Variants in ZNF438 observed in about 807,000 individuals in gnomAD.
The protein encoded by ZNF438 is zinc finger protein 438.
A neutral mutation model predicts 38.0 loss-of-function variants in ZNF438; 25 were observed. That is an observed-to-expected ratio of 0.66 (90% CI 0.48 to 0.92). The LOEUF (loss-of-function observed/expected upper bound fraction) is 0.92. Ranked by LOEUF, ZNF438 falls within the 40% of genes least tolerant of loss-of-function variation. The pLI is 0.00. For missense variants in ZNF438, 1,007 were observed against 999.6 expected (o/e 1.01, Z -0.10); for synonymous variants, 372 against 364.1 (o/e 1.02, Z -0.25).
At chr10:31,032,408 C>T (rs1033198072), upstream of ZNF438, among the ~76,000 whole-genome samples, 1 of 152,160 alleles carries the variant, frequency 6.6e-6, no homozygotes, top group Admixed American at 6.5e-5. Flanking sequence ...CTAGACTCCG[C>T]CCAGACCCCG....
intron 1 of ZNF438, among the ~76,000 whole-genome samples, chr10:30,957,198 A>G (rs142831434): frequency 6.6e-6 from 1 of 152,164 alleles, no homozygotes; most frequent in Non-Finnish European, 1.5e-5. Flanking sequence ...CTTTTGAGAA[A>G]TATCTATTCA....
chr10:31,012,787 G>A (rs2055831458), intron 1 of ZNF438, among the ~76,000 whole-genome samples: 1 of 152,070 alleles, frequency 6.6e-6, no homozygotes, highest in Non-Finnish European at 1.5e-5. Context: ...CCCAGAATCT[G>A]ATCTCCCAGA....
At chr10:31,001,588 T>C (rs918212972) in intron 1 of ZNF438, among the ~76,000 whole-genome samples, 3 of 152,230 alleles carry the variant, frequency 2.0e-5, no homozygotes, top group African/African-American at 7.2e-5. Context: ...TTGTTACCTA[T>C]AACTTTAAAA....
intron 3 of ZNF438, among the ~76,000 whole-genome samples, chr10:30,892,435 C>T (rs2040811803): frequency 6.6e-6 from 1 of 152,146 alleles, no homozygotes; most frequent in Admixed American, 6.5e-5. Flanking sequence ...TGTACTGTAT[C>T]TCAGGTAACT....
At chr10:30,917,877 T>A (rs533800677) in intron 2 of ZNF438, among the ~76,000 whole-genome samples, 23 of 152,192 alleles carry the variant, frequency 1.5e-4, no homozygotes, top group Admixed American at 3.9e-4. Flanking sequence ...AATCTTTGCC[T>A]ACCCCCAAGT....
At chr10:30,846,977 C>T (rs2032307469) in intron 5 of ZNF438, among the ~76,000 whole-genome samples, 1 of 152,188 alleles carries the variant, frequency 6.6e-6, no homozygotes, top group South Asian at 2.1e-4. Context: ...ACCCCATTGG[C>T]CTGCTCCAGA....
chr10:31,027,996 T>A (rs2057049725), intron 1 of ZNF438, among the ~76,000 whole-genome samples: 1 of 152,196 alleles, frequency 6.6e-6, no homozygotes, highest in Non-Finnish European at 1.5e-5. Flanking sequence ...GAGGTTATGG[T>A]ATGCCATGAA....
chr10:30,988,939 T>C (rs2053154616), intron 1 of ZNF438, among the ~76,000 whole-genome samples: 3 of 152,144 alleles, frequency 2.0e-5, no homozygotes, highest in Admixed American at 6.5e-5. Flanking sequence ...TTAACATTTA[T>C]AATTAGTTGA....
chr10:30,845,217 T>G, exon 6 of ZNF438: 1 of 1,614,184 alleles, frequency 6.2e-7, no homozygotes, highest in Non-Finnish European at 8.5e-7. Flanking sequence ...CTGGGGTCCT[T>G]CATTTTCCAT....
At chr10:31,016,036 G>A (rs2056171218) in intron 1 of ZNF438, among the ~76,000 whole-genome samples, 1 of 152,000 alleles carries the variant, frequency 6.6e-6, no homozygotes, top group Non-Finnish European at 1.5e-5. Flanking sequence ...AATTTTGGGG[G>A]GACATAACTA....
intron 2 of ZNF438, among the ~76,000 whole-genome samples, chr10:30,924,209 A>C (rs74625130): frequency 0.083 from 12,666 of 152,250 alleles, 607 homozygotes; most frequent in Non-Finnish European, 0.11. Context: ...CTAGGTCCTG[A>C]TGTTGCACTG....
At chr10:31,012,438 T>C (rs900809213) in intron 1 of ZNF438, among the ~76,000 whole-genome samples, 9 of 152,088 alleles carry the variant, frequency 5.9e-5, no homozygotes, top group Non-Finnish European at 8.8e-5. Flanking sequence ...CATTTTCTTT[T>C]TGACATTTTC....
At chr10:30,955,993 A>T (rs1292005136) in intron 1 of ZNF438, among the ~76,000 whole-genome samples, 1 of 152,168 alleles carries the variant, frequency 6.6e-6, no homozygotes, top group Non-Finnish European at 1.5e-5. Flanking sequence ...TAAAACAAAC[A>T]ATTTTTCAAA....
At chr10:31,003,659 C>A (rs1015516252) in intron 1 of ZNF438, among the ~76,000 whole-genome samples, 7 of 152,218 alleles carry the variant, frequency 4.6e-5, no homozygotes, top group African/African-American at 1.7e-4. Flanking sequence ...ATATGCCCTA[C>A]TACCATCCTT....
intron 1 of ZNF438, among the ~76,000 whole-genome samples, chr10:30,945,079 T>A (rs1322642046): frequency 1.3e-5 from 2 of 152,004 alleles, no homozygotes; most frequent in Non-Finnish European, 2.9e-5. Flanking sequence ...TCTGCCTACT[T>A]GTTCTAGCAA....
At chr10:31,014,403 T>C (rs2056005283) in intron 1 of ZNF438, among the ~76,000 whole-genome samples, 1 of 152,236 alleles carries the variant, frequency 6.6e-6, no homozygotes, top group South Asian at 2.1e-4. Context: ...TGTCCTCATA[T>C]GGCAGCGGAA....
intron 1 of ZNF438, among the ~76,000 whole-genome samples, chr10:31,003,130 A>T (rs1254112865): frequency 2.0e-5 from 3 of 152,140 alleles, no homozygotes; most frequent in Non-Finnish European, 4.4e-5. Flanking sequence ...GAGAGAGCAC[A>T]CTATTGCAAG....
intron 4 of ZNF438, among the ~76,000 whole-genome samples, chr10:30,870,187 T>A (rs1003190416): frequency 6.6e-5 from 10 of 152,244 alleles, no homozygotes; most frequent in Non-Finnish European, 1.5e-4. Context: ...CAGTTGATTC[T>A]CATTATTTGT....
intron 4 of ZNF438, among the ~76,000 whole-genome samples, chr10:30,851,270 G>C (rs1227800242): frequency 1.3e-5 from 2 of 152,244 alleles, no homozygotes; most frequent in Non-Finnish European, 2.9e-5. Context: ...CCTGACCTAA[G>C]ATCAATTACT....
Sources: gnomAD v4.1 joint callset for allele counts (sites outside exome capture counted in the v4.1 genomes callset) on GRCh38, gnomAD v4.1.1 for gene constraint, MANE v1.5 for transcripts, NCBI Gene and HGNC (gene_info 2026-07-23, HGNC 2026-07-21) for gene names.